Variants in ANK3 observed in about 807,000 individuals in gnomAD.
ANK3 encodes the protein ankyrin-3.
A neutral mutation model predicts 370.9 loss-of-function variants in ANK3; 57 were observed. The ratio of observed to expected loss-of-function variants is 0.15; its 90% confidence interval spans 0.12 to 0.19. The LOEUF is 0.19. ANK3 is among the 10% of genes least tolerant of loss of function. The probability of loss-of-function intolerance (pLI) is 1.00; values close to 1 mark genes in which losing one functional copy is unlikely to be tolerated. For missense variants in ANK3, 4,439 were observed against 5,302.1 expected (o/e 0.84, Z 5.06); for synonymous variants, 1,929 against 1,946.3 (o/e 0.99, Z 0.23).
At chr10:60,430,244 G>A (rs994525415) in intron 2 of ANK3, among the ~76,000 whole-genome samples, 1 of 152,192 alleles carries the variant, frequency 6.6e-6, no homozygotes, top group Non-Finnish European at 1.5e-5. Flanking sequence ...AATCAAAGAG[G>A]GAGAACTGGA....
chr10:60,284,840 C>CA (rs1435177727), intron 1 of ANK3, among the ~76,000 whole-genome samples: 1 of 151,746 alleles, frequency 6.6e-6, no homozygotes, highest in South Asian at 2.1e-4. Flanking sequence ...CTTGATGTGC[C>CA]AAAAAAATCT....
intron 17 of ANK3, among the ~76,000 whole-genome samples, chr10:60,184,106 A>T (rs1032679479): frequency 1.3e-5 from 2 of 152,204 alleles, no homozygotes; most frequent in Non-Finnish European, 2.9e-5. Flanking sequence ...CTAGTAAGAA[A>T]AAAGAAAGTA....
intron 1 of ANK3, among the ~76,000 whole-genome samples, chr10:60,643,479 A>T (rs10740038): frequency 6.6e-6 from 1 of 151,316 alleles, no homozygotes; most frequent in African/African-American, 2.4e-5. Context: ...GTATAAGTTA[A>T]TACTTAATAA....
rs759253301 is a variant in ANK3, at chr10:60,198,430, G to A, written c.1599C>T (p.Tyr533=). Residue 533 remains tyrosine, a synonymous_variant, in exon 14 of 44, where the codon TAC becomes TAT. Transcript: ENST00000280772. Reference sequence around the variant, plus strand: ...CTCGGGCGGAAAGGTGAAGTGGGGTGTACCCAGAAGTTGTGGCTGCATTTG... The same window carrying A: ...CTCGGGCGGAAAGGTGAAGTGGGGTATACCCAGAAGTTGTGGCTGCATTTG... The part of the protein sequence containing the change: ...ASPNAATTSG[Y]TPLHLSAREG... The A allele has an allele frequency of 1.2e-6, 2 of 1,614,216 alleles. No homozygotes were observed. The highest frequency in any genetic ancestry group is 1.7e-6 in the Non-Finnish European group (2 of 1,180,042).
In ANK3 at chr10:60,166,614, T is replaced by G. The variant is rs1378166776; in HGVS notation, c.2591A>C (p.Glu864Ala). 1.9e-6 allele frequency: 3 copies of G among 1,613,694 alleles called. No individual in the cohort carries two copies. Among genetic ancestry groups the G allele is most frequent in the Non-Finnish European group, 2.5e-6 (3 of 1,179,824 alleles). ...ANAPEMLSDG[E>A]YISDVEEGED... ...ACCTTCTTCAACATCTGAGATATATTCGCCATCACTGAGCATTTCAGGGGC... is the reference window on the plus strand; with the variant it reads ...ACCTTCTTCAACATCTGAGATATATGCGCCATCACTGAGCATTTCAGGGGC... Residue 864 changes from glutamate to alanine, a missense_variant, in exon 23 of 44, where the codon GAA (glutamate) becomes GCA (alanine). By Grantham distance (107) the Glu-to-Ala change is moderately radical. Around this residue, in one of 13 missense-constraint regions of ANK3, gnomAD observed 702 missense variants for 941.5 expected, o/e 0.75. Coordinates refer to ENST00000280772, the MANE Select transcript of ANK3 (RefSeq NM_020987.5).
intron 2 of ANK3, among the ~76,000 whole-genome samples, chr10:60,581,932 T>C (rs1243361006): frequency 1.3e-5 from 2 of 152,166 alleles, no homozygotes; most frequent in Non-Finnish European, 2.9e-5. Flanking sequence ...CATGGAATAC[T>C]ATGCAGCCAT....
intron 1 of ANK3, among the ~76,000 whole-genome samples, chr10:60,387,168 A>G (rs1011690235): frequency 2.6e-5 from 4 of 152,174 alleles, no homozygotes; most frequent in Non-Finnish European, 5.9e-5. Context: ...CTCAAAAAAA[A>G]AAAAATCCTA....
At chr10:60,705,632 T>TTTA (rs2079603424) in intron 1 of ANK3, among the ~76,000 whole-genome samples, 1 of 152,088 alleles carries the variant, frequency 6.6e-6, no homozygotes, top group African/African-American at 2.4e-5. Flanking sequence ...TAGCTGTGTT[T>TTTA]CTTCCCCCAC....
At chr10:60,085,956 C>T (rs986085627) in intron 30 of ANK3, among the ~76,000 whole-genome samples, 3 of 152,186 alleles carry the variant, frequency 2.0e-5, no homozygotes, top group African/African-American at 7.2e-5. Flanking sequence ...AGTTAAGAAA[C>T]AGCTCATTCT....
chr10:60,123,803 G>A (rs903619730), intron 25 of ANK3, among the ~76,000 whole-genome samples: 5 of 152,208 alleles, frequency 3.3e-5, no homozygotes, highest in Non-Finnish European at 5.9e-5. Context: ...ACAGTTGGAT[G>A]ATACAATCAG....
chr10:60,271,357 G>A (rs113884179), intron 4 of ANK3, among the ~76,000 whole-genome samples: 12 of 151,800 alleles, frequency 7.9e-5, no homozygotes, highest in African/African-American at 2.4e-4. Context: ...GGCATGCACC[G>A]CCACACCTGG....
At chr10:60,269,227 TAAAC>T (rs2097923820) in intron 5 of ANK3, among the ~76,000 whole-genome samples, 1 of 152,202 alleles carries the variant, frequency 6.6e-6, no homozygotes, top group African/African-American at 2.4e-5. Context: ...GTTTAAAAAA[TAAAC>T]AACATTACCT....
chr10:60,718,567 T>G (rs1023664344), intron 1 of ANK3, among the ~76,000 whole-genome samples: 4 of 152,148 alleles, frequency 2.6e-5, no homozygotes, highest in African/African-American at 9.7e-5. Flanking sequence ...TATAAAAACA[T>G]GTTTGTGCTA....
intron 1 of ANK3, among the ~76,000 whole-genome samples, chr10:60,364,532 G>A (rs1453296411): frequency 6.6e-6 from 1 of 151,734 alleles, no homozygotes; most frequent in Non-Finnish European, 1.5e-5. Context: ...ATCACACACT[G>A]GGGCCTGTTG....
At chr10:60,232,572 C>T (rs1565864800) in intron 8 of ANK3, among the ~76,000 whole-genome samples, 1 of 152,118 alleles carries the variant, frequency 6.6e-6, no homozygotes, top group East Asian at 1.9e-4. Context: ...TTCAATTTAC[C>T]TCTCCAGTAA....
intron 2 of ANK3, among the ~76,000 whole-genome samples, chr10:60,412,731 A>T (rs1450472955): frequency 6.6e-6 from 1 of 152,196 alleles, no homozygotes; most frequent in Non-Finnish European, 1.5e-5. Context: ...TGGTAGCCCC[A>T]TTGCTAATTA....
chr10:60,691,444 G>A (rs777637045), intron 1 of ANK3, among the ~76,000 whole-genome samples: 2 of 152,096 alleles, frequency 1.3e-5, no homozygotes, highest in Non-Finnish European at 2.9e-5. Flanking sequence ...GTTATTATGA[G>A]GATTAAATTA....
At chr10:60,467,238 G>A (rs2065031488) in intron 2 of ANK3, among the ~76,000 whole-genome samples, 1 of 152,094 alleles carries the variant, frequency 6.6e-6, no homozygotes, top group Admixed American at 6.6e-5. Context: ...AACAGAAAAT[G>A]AACAAACTTT....
At chr10:60,711,823 C>T (rs1182826084) in intron 1 of ANK3, among the ~76,000 whole-genome samples, 1 of 152,040 alleles carries the variant, frequency 6.6e-6, no homozygotes. Context: ...ACTTTGGAAG[C>T]AGCCAGAGGA....
Sources: gnomAD v4.1 joint callset for allele counts (sites outside exome capture counted in the v4.1 genomes callset) on GRCh38, gnomAD v4.1.1 for gene constraint, gnomAD v4.1.1 regional missense constraint, MANE v1.5 for transcripts, NCBI Gene and HGNC (gene_info 2026-07-23, HGNC 2026-07-21) for gene names.